The following CTNNA3 variants were observed in gnomAD, a reference collection of about 807,000 sequenced individuals.
CTNNA3 encodes the protein catenin alpha-3.
A neutral mutation model predicts 95.7 loss-of-function variants in CTNNA3; 76 were observed. The ratio of observed to expected loss-of-function variants is 0.79; its 90% CI spans 0.66 to 0.96. The LOEUF (loss-of-function observed/expected upper bound fraction) is 0.96. Ranked by LOEUF, CTNNA3 falls within the 40% of genes least tolerant of loss-of-function variation. The pLI is 0.00. For missense variants in CTNNA3, 1,191 were observed against 1,089.8 expected (o/e 1.09, Z -1.31); for synonymous variants, 431 against 374.4 (o/e 1.15, Z -1.74).
Position 66,604,857 on chromosome 10 carries a change from AAAC to A in CTNNA3, c.1374+16832_1374+16834del, listed in dbSNP as rs575684185. Among the ~76,000 whole-genome samples, 489 of 152,186 alleles carry A rather than the reference AAAC, an allele frequency of 3.2e-3. 3 individuals carry two copies. Among genetic ancestry groups the A allele is most frequent in the African/African-American group, 0.011 (460 of 41,506 alleles). On this transcript the variant is annotated intron_variant, in intron 10 of 17. Coordinates refer to ENST00000433211, the MANE Select transcript of CTNNA3 (RefSeq NM_013266.4). Reference sequence around the variant, plus strand: ...AGAAACATTAGTCCACAAAGATGAGAAACAACCAACACAAGAACTCCAACAACT... The same window carrying A: ...AGAAACATTAGTCCACAAAGATGAGAAACCAACACAAGAACTCCAACAACT...
intron 9 of CTNNA3, among the ~76,000 whole-genome samples, chr10:66,665,883 T>C (rs1331035078): frequency 2.0e-5 from 3 of 152,180 alleles, no homozygotes; most frequent in Non-Finnish European, 4.4e-5. Flanking sequence ...TTGTCACATA[T>C]TACAACTCAA....
At chr10:67,623,271 TAAG>T (rs1266015330) in intron 2 of CTNNA3, among the ~76,000 whole-genome samples, 2 of 152,198 alleles carry the variant, frequency 1.3e-5, no homozygotes, top group African/African-American at 2.4e-5. Context: ...TCTAGAAGGC[TAAG>T]AAGCCAAAGG....
At chr10:66,307,691 T>G (rs2091952603) in intron 12 of CTNNA3, among the ~76,000 whole-genome samples, 3 of 152,264 alleles carry the variant, frequency 2.0e-5, no homozygotes, top group Admixed American at 1.3e-4. Flanking sequence ...ATTATGAATT[T>G]CATAAAAATC....
At chr10:66,175,245 T>C (rs187427414) in intron 13 of CTNNA3, among the ~76,000 whole-genome samples, 101 of 152,198 alleles carry the variant, frequency 6.6e-4, no homozygotes, top group African/African-American at 2.4e-3. Context: ...CTCATATCCA[T>C]GCTCCTTCTA....
intron 3 of CTNNA3, among the ~76,000 whole-genome samples, chr10:67,584,236 A>G (rs1842534578): frequency 6.6e-6 from 1 of 152,072 alleles, no homozygotes; most frequent in Admixed American, 6.6e-5. Flanking sequence ...TGACGTACAG[A>G]TGGGGTTTTG....
In CTNNA3 at chr10:66,662,174, A is replaced by C. The variant is rs533219446; in HGVS notation, c.1282-40390T>G. ...CTATTTTATCTGGCAAGTCTAATTC[A>C]TGGGGAAAATACATTCTACTAAAAT... On this transcript the variant is annotated intron_variant, in intron 9 of 17. Transcript: ENST00000433211. Among the ~76,000 whole-genome samples, 6 of 152,292 alleles carry C rather than the reference A, an allele frequency of 3.9e-5. No individual in the cohort carries two copies. The South Asian group carries it at 1.2e-3, about 32-fold the overall frequency.
chr10:65,957,488 T>G (rs538392882), intron 17 of CTNNA3, among the ~76,000 whole-genome samples: 1 of 152,374 alleles, frequency 6.6e-6, no homozygotes, highest in South Asian at 2.1e-4. Flanking sequence ...CTAGCCTCGA[T>G]GGTCTTTACA....
intron 15 of CTNNA3, among the ~76,000 whole-genome samples, chr10:66,017,184 C>A (rs12415686): frequency 0.031 from 4,735 of 152,212 alleles, 105 homozygotes; most frequent in East Asian, 0.066. Context: ...TACATTATAT[C>A]ATACAACCAA....
At chr10:66,926,674 T>G in intron 7 of CTNNA3, 1 of 1,450,454 alleles carries the variant, frequency 6.9e-7, no homozygotes, top group South Asian at 1.2e-5. Context: ...CTTAATTATT[T>G]TAGAGATTAC....
chr10:67,291,910 G>C (rs902169121), intron 5 of CTNNA3, among the ~76,000 whole-genome samples: 2 of 152,164 alleles, frequency 1.3e-5, no homozygotes, highest in African/African-American at 4.8e-5. Flanking sequence ...GTACATGAGA[G>C]CCTTCAGAAT....
At chr10:66,707,342 C>T (rs1481141311) in intron 9 of CTNNA3, among the ~76,000 whole-genome samples, 2 of 151,980 alleles carry the variant, frequency 1.3e-5, no homozygotes, top group Non-Finnish European at 2.9e-5. Flanking sequence ...GCAACGATGG[C>T]CACAGTGCAT....
chr10:66,343,264 C>A (rs1422828899), intron 12 of CTNNA3, among the ~76,000 whole-genome samples: 1 of 152,066 alleles, frequency 6.6e-6, no homozygotes, highest in Non-Finnish European at 1.5e-5. Context: ...ATCAAAGAGA[C>A]ACCTGCACTC....
chr10:66,477,288 C>G (rs1342002070), intron 11 of CTNNA3, among the ~76,000 whole-genome samples: 2 of 152,010 alleles, frequency 1.3e-5, no homozygotes, highest in East Asian at 3.9e-4. Context: ...TTTTTGAAAT[C>G]TTGTTTGTAT....
intron 12 of CTNNA3, among the ~76,000 whole-genome samples, chr10:66,302,609 C>A (rs2091878149): frequency 6.6e-6 from 1 of 152,064 alleles, no homozygotes; most frequent in Non-Finnish European, 1.5e-5. Context: ...AGTTGCCTTG[C>A]ACCAATGCTA....
At chr10:67,089,717 ATGTGTGTG>A (rs71006125) in intron 7 of CTNNA3, among the ~76,000 whole-genome samples, 19 of 144,740 alleles carry the variant, frequency 1.3e-4, no homozygotes, top group South Asian at 4.5e-4. Flanking sequence ...GTATATACAT[ATGTGTGTG>A]TGTGTGTGTG....
At chr10:66,389,050 C>A (rs2092915307) in intron 11 of CTNNA3, among the ~76,000 whole-genome samples, 1 of 152,048 alleles carries the variant, frequency 6.6e-6, no homozygotes, top group African/African-American at 2.4e-5. Flanking sequence ...AAGGCTTGAG[C>A]TTTTATGCCT....
intron 5 of CTNNA3, among the ~76,000 whole-genome samples, chr10:67,330,952 A>G (rs1993990): frequency 0.73 from 110,648 of 152,132 alleles, 43,796 homozygotes; most frequent in Non-Finnish European, 0.88. Context: ...GGTGGAATTC[A>G]TACTTGCTGA....
At chr10:66,911,921 T>G (rs1846239355) in intron 7 of CTNNA3, among the ~76,000 whole-genome samples, 1 of 152,214 alleles carries the variant, frequency 6.6e-6, no homozygotes, top group African/African-American at 2.4e-5. Context: ...TTAACTGTTT[T>G]GGTTTCTCTA....
chr10:66,502,976 G>A (rs756504203), intron 11 of CTNNA3, among the ~76,000 whole-genome samples: 1 of 152,024 alleles, frequency 6.6e-6, no homozygotes, highest in Non-Finnish European at 1.5e-5. Flanking sequence ...TGATAGTCAT[G>A]CACCCTAGCT....
Sources: gnomAD v4.1 joint callset for allele counts (sites outside exome capture counted in the v4.1 genomes callset) on GRCh38, gnomAD v4.1.1 for gene constraint, MANE v1.5 for transcripts, NCBI Gene and HGNC (gene_info 2026-07-23, HGNC 2026-07-21) for gene names.